The following MRPS6 variants were observed in gnomAD, a reference collection of about 807,000 sequenced individuals.
MRPS6 encodes small ribosomal subunit protein bS6m.
MRPS6 carries 6 observed loss-of-function variants against 13.1 expected under a neutral mutation model. The ratio of observed to expected loss-of-function variants is 0.46; its 90% CI spans 0.25 to 0.91. MRPS6 has a LOEUF of 0.91. Among genes scored for constraint, MRPS6 ranks in the 40% least tolerant of loss-of-function variants. The pLI is 0.18. For missense variants in MRPS6, 164 were observed against 155.6 expected, an observed-to-expected ratio of 1.05 and a Z score of -0.29; for synonymous variants, 61 against 56.5, an observed-to-expected ratio of 1.08 and a Z score of -0.36.
chr21:34,088,370 G>A (rs1978505651), intron 1 of MRPS6, among the ~76,000 whole-genome samples: 1 of 122,582 alleles, frequency 8.2e-6, no homozygotes, highest in Non-Finnish European at 1.7e-5. Context: ...GACCCATCAG[G>A]GCTTTGCTGT....
intron 1 of MRPS6, among the ~76,000 whole-genome samples, chr21:34,079,257 G>A (rs913181746): frequency 4.6e-5 from 7 of 152,156 alleles, no homozygotes; most frequent in Non-Finnish European, 8.8e-5. Flanking sequence ...GAGTCCATAA[G>A]TAAAGTTACA....
chr21:34,107,959 A>G (rs1332138522), intron 1 of MRPS6, among the ~76,000 whole-genome samples: 3 of 152,168 alleles, frequency 2.0e-5, no homozygotes, highest in Admixed American at 6.6e-5. Flanking sequence ...GGGCCCTTTC[A>G]GTGTACAGAA....
intron 1 of MRPS6, among the ~76,000 whole-genome samples, chr21:34,075,547 A>G (rs1280432841): frequency 6.6e-6 from 1 of 152,224 alleles, no homozygotes; most frequent in African/African-American, 2.4e-5. Flanking sequence ...AGGGGGGCAA[A>G]AAAAAGAAAA....
Position 34,103,991 on chromosome 21 carries a change from T to G in MRPS6, c.46-21350T>G, listed in dbSNP as rs139551358. ...GATTGGGGTTTTTTGTAAAAAATCT[T>G]AAATCTTTTAGGAAATATTACCTCT... On this transcript the variant is annotated intron_variant, in intron 1 of 2. Coordinates refer to ENST00000399312, the MANE Select transcript of MRPS6 (RefSeq NM_032476.4). 18 of 1,000,166 alleles carry G rather than the reference T, an allele frequency of 1.8e-5. No individual in the cohort carries two copies. The East Asian group carries it at 2.0e-3, about 113-fold the overall frequency. The allele number at this position is 1,000,166 out of a possible 1,614,324, so 62.0% of individuals were successfully genotyped here.
At chr21:34,125,273 A>G in intron 1 of MRPS6, 68 bp from the exon 2 acceptor site, 1 of 1,573,952 alleles carries the variant, frequency 6.4e-7, no homozygotes, top group African/African-American at 1.4e-5. Context: ...AGCAGACTTA[A>G]TCATTCTAGC....
At chr21:34,077,063 C>G (rs150312308) in intron 1 of MRPS6, among the ~76,000 whole-genome samples, 3 of 152,172 alleles carry the variant, frequency 2.0e-5, no homozygotes, top group South Asian at 2.1e-4. Context: ...CCCTGCCCCC[C>G]CTGCAATGAG....
chr21:34,103,596 T>G (rs539768498), intron 1 of MRPS6: 1 of 1,000,200 alleles, frequency 1.0e-6, no homozygotes, highest in South Asian at 4.7e-5. Context: ...CACACATTAG[T>G]GTACCCACAC....
At chr21:34,087,892 T>TGATG (rs1321417358) in intron 1 of MRPS6, among the ~76,000 whole-genome samples, 1 of 152,236 alleles carries the variant, frequency 6.6e-6, no homozygotes, top group Non-Finnish European at 1.5e-5. Context: ...CAGGCTTTGC[T>TGATG]GATGGATTGA....
chr21:34,136,107 C>T (rs941417837), intron 2 of MRPS6: 7 of 200,056 alleles, frequency 3.5e-5, no homozygotes, highest in East Asian at 1.4e-4. Flanking sequence ...TGTTACTTGG[C>T]GTGGACCTCG....
Position 34,107,747 on chromosome 21 carries a change from A to G in MRPS6, c.46-17594A>G, listed in dbSNP as rs546782631. Among the ~76,000 whole-genome samples, 14 of 152,188 alleles carry G rather than the reference A, an allele frequency of 9.2e-5. No homozygotes were observed. In the East Asian group the frequency reaches 2.5e-3, roughly 27 times the overall value. ...TCATTACTGTCATTATTTTGCTTAG[A>G]TGTTTCCAGATTTAGCTGGTTTCTT... On this transcript the variant is annotated intron_variant, in intron 1 of 2. Transcript: ENST00000399312.
chr21:34,115,153 A>C (rs1355983863), intron 1 of MRPS6, among the ~76,000 whole-genome samples: 1 of 152,220 alleles, frequency 6.6e-6, no homozygotes, highest in Non-Finnish European at 1.5e-5. Flanking sequence ...GTTTTGGCCC[A>C]GGATTAATGT....
intron 1 of MRPS6, among the ~76,000 whole-genome samples, chr21:34,074,955 A>G (rs1169271705): frequency 6.6e-6 from 1 of 152,224 alleles, no homozygotes; most frequent in African/African-American, 2.4e-5. Flanking sequence ...CAGCCTGGCC[A>G]GGCATGCCAT....
At chr21:34,114,142 G>A (rs1052467441) in intron 1 of MRPS6, among the ~76,000 whole-genome samples, 1 of 152,154 alleles carries the variant, frequency 6.6e-6, no homozygotes, top group Non-Finnish European at 1.5e-5. Flanking sequence ...GGGGAGTATA[G>A]AAATGGAAAC....
intron 2 of MRPS6, chr21:34,135,967 A>G (rs534776689): frequency 8.1e-6 from 3 of 371,320 alleles, no homozygotes; most frequent in East Asian, 6.8e-5. Flanking sequence ...ACTGATCTGC[A>G]TATCATCATT....
At chr21:34,124,027 C>T (rs1390461063) in intron 1 of MRPS6, 1 of 152,458 alleles carries the variant, frequency 6.6e-6, no homozygotes, top group East Asian at 1.9e-4. Flanking sequence ...TGGTGATCTC[C>T]TTTCCTCTCC....
chr21:34,100,759 A>G (rs1271040425), intron 1 of MRPS6: 42 of 1,000,066 alleles, frequency 4.2e-5, no homozygotes, highest in Middle Eastern at 1.0e-3. Flanking sequence ...TTCGCAGTCC[A>G]TGGCTCATTT....
rs537655438 is a variant in MRPS6 at position 34,082,095 on chromosome 21, G to A, written c.45+8350G>A. On this transcript the variant is annotated intron_variant, in intron 1 of 2. Coordinates refer to ENST00000399312, the MANE Select transcript of MRPS6 (RefSeq NM_032476.4). ...ATGTTGCCAACTAATTGAATACTTA[G>A]GTACCATGGATCAAATGTAATGTAT... Among the ~76,000 whole-genome samples the A allele has an allele frequency of 9.3e-5, 14 of 151,268 alleles. No homozygotes were observed. In the South Asian group the frequency reaches 2.3e-3, roughly 25 times the overall value.
chr21:34,094,592 A>G (rs1038019597), intron 1 of MRPS6, among the ~76,000 whole-genome samples: 2 of 152,188 alleles, frequency 1.3e-5, no homozygotes, highest in African/African-American at 4.8e-5. Context: ...ATGCTGTGGT[A>G]GGCAGTTAGC....
intron 2 of MRPS6, among the ~76,000 whole-genome samples, chr21:34,131,681 T>C (rs968788942): frequency 6.6e-6 from 1 of 152,166 alleles, no homozygotes; most frequent in Non-Finnish European, 1.5e-5. Flanking sequence ...ACTTTCTTCA[T>C]GTGTAAAAAT....
Sources: gnomAD v4.1 joint callset for allele counts (sites outside exome capture counted in the v4.1 genomes callset) on GRCh38, gnomAD v4.1.1 for gene constraint, MANE v1.5 for transcripts, NCBI Gene and HGNC (gene_info 2026-07-23, HGNC 2026-07-21) for gene names.